NDUFA12: variants seen among roughly 807,000 people sequenced by gnomAD.
NDUFA12 encodes NADH:ubiquinone oxidoreductase subunit A12.
In NDUFA12, 17 loss-of-function variants were observed where a neutral mutation model predicts 20.3. The observed-to-expected ratio is 0.84, with a 90% CI of 0.57 to 1.26. NDUFA12 has a LOEUF of 1.26. Among genes scored for constraint, NDUFA12 ranks in the 50% most tolerant of loss-of-function variants. The pLI is 0.00. For synonymous variants in NDUFA12, 72 were observed against 63.6 expected, an observed-to-expected ratio of 1.13 and a Z score of -0.63; for missense variants, 191 against 183.7, an observed-to-expected ratio of 1.04 and a Z score of -0.23.
chr12:94,978,255 G>A lies in NDUFA12; in HGVS notation c.258-6635C>T, dbSNP rs149643544. ...TCTCATCACTTAGCATGTTGGGAAC[G>A]CTAGTGCACTGCAAGAATGTTATCA... On this transcript the variant is annotated intron_variant, in intron 3 of 3. Transcript: ENST00000327772. Among the ~76,000 whole-genome samples the A allele has an allele frequency of 3.2e-3, 489 of 152,302 alleles. 1 individual carries two copies. Among genetic ancestry groups the A allele is most frequent in the African/African-American group, 0.011 (465 of 41,566 alleles).
chr12:94,997,003 C>G, intron 2 of NDUFA12: 1 of 362,108 alleles, frequency 2.8e-6, no homozygotes, highest in South Asian at 2.2e-5. Flanking sequence ...TTTAGACAAT[C>G]TCTTAAAATC....
intron 3 of NDUFA12, among the ~76,000 whole-genome samples, chr12:94,979,581 A>C (rs909469825): frequency 1.3e-5 from 2 of 152,152 alleles, no homozygotes. Flanking sequence ...CTGTAATCCC[A>C]GCACTTTGGA....
chr12:94,973,287 G>A (rs192475277), intron 3 of NDUFA12, among the ~76,000 whole-genome samples: 1 of 152,298 alleles, frequency 6.6e-6, no homozygotes, highest in African/African-American at 2.4e-5. Flanking sequence ...GAATGCAGAA[G>A]GCTGTACAAG....
intron 3 of NDUFA12, among the ~76,000 whole-genome samples, chr12:94,972,706 A>T (rs1022853187): frequency 4.6e-5 from 7 of 152,176 alleles, no homozygotes; most frequent in Non-Finnish European, 2.9e-5. Flanking sequence ...TTGAGAAAAA[A>T]GTTAAATCGA....
At chr12:94,995,901 ATT>A (rs199922662) in intron 2 of NDUFA12, among the ~76,000 whole-genome samples, 1 of 148,360 alleles carries the variant, frequency 6.7e-6, no homozygotes, top group African/African-American at 2.5e-5. Context: ...AATGCTGTGC[ATT>A]TTTTTTTTTT....
chr12:95,002,602 A>G, intron 2 of NDUFA12, 137 bp downstream of exon 2: 1 of 714,266 alleles, frequency 1.4e-6, no homozygotes. Context: ...TCTGTAAATT[A>G]TCTTTTTTCA....
At chr12:94,983,494 T>C (rs1874308738) in intron 3 of NDUFA12, among the ~76,000 whole-genome samples, 1 of 152,142 alleles carries the variant, frequency 6.6e-6, no homozygotes, top group African/African-American at 2.4e-5. Flanking sequence ...TACAGCCACA[T>C]GAGTAAGTGT....
intron 2 of NDUFA12, among the ~76,000 whole-genome samples, chr12:94,999,313 T>C (rs578024582): frequency 1.4e-4 from 22 of 152,332 alleles, no homozygotes; most frequent in African/African-American, 4.8e-4. Flanking sequence ...CTTCATCTCT[T>C]GCCTTATACA....
At chr12:94,994,316 T>C in intron 2 of NDUFA12, 59 bp from the exon 3 acceptor site, 1 of 1,275,038 alleles carries the variant, frequency 7.8e-7, no homozygotes. Flanking sequence ...CATAGATGCA[T>C]AATATCAAAG....
At chr12:94,994,748 A>C (rs1460482748) in intron 2 of NDUFA12, among the ~76,000 whole-genome samples, 1 of 152,234 alleles carries the variant, frequency 6.6e-6, no homozygotes, top group East Asian at 1.9e-4. Context: ...CAAACATTAG[A>C]AATGATGGTT....
At chr12:94,976,384 G>A (rs7960234) in intron 3 of NDUFA12, among the ~76,000 whole-genome samples, 83,176 of 151,954 alleles carry the variant, frequency 0.55, 23,319 homozygotes, top group African/African-American at 0.67. Context: ...TGTCCCTAGT[G>A]TCTATGGGGG....
chr12:95,002,837 A>T lies in NDUFA12; in HGVS notation c.87-16T>A, dbSNP rs1291742833. ...ATCATTTGTCCTGTGAATACCCAAA[A>T]GAAAACAGACATTTTAGAATGATTC... On this transcript the variant is annotated splice_polypyrimidine_tract_variant and intron_variant, in intron 1 of 3. Coordinates refer to ENST00000327772, the MANE Select transcript of NDUFA12 (RefSeq NM_018838.5). 4 of 1,594,800 alleles carry T rather than the reference A, an allele frequency of 2.5e-6. No homozygotes were observed. Among genetic ancestry groups the T allele is most frequent in the Non-Finnish European group, 3.4e-6 (4 of 1,162,382 alleles).
Position 94,994,255 on chromosome 12 carries a change from G to A in NDUFA12, c.172C>T (p.Arg58Cys), listed in dbSNP as rs775138666. The A allele has an allele frequency of 1.5e-5, 24 of 1,613,642 alleles. No individual in the cohort carries two copies. In the East Asian group the frequency reaches 2.7e-4, roughly 18 times the overall value. Residue 58 changes from arginine to cysteine, a missense_variant and splice_region_variant, in exon 3 of 4, where the codon CGT becomes TGT. By Grantham distance (180) the Arg-to-Cys change is radical (BLOSUM62 -3). Coordinates refer to ENST00000327772, the MANE Select transcript of NDUFA12 (RefSeq NM_018838.5). ...GTAGTATATACAACCCATCGGTGAC[G>A]GCCTGGGTGGGAAGATGAACATTTA... ...YYEDNKQFFG[R>C]HRWVVYTTEM...
intron 3 of NDUFA12, among the ~76,000 whole-genome samples, chr12:94,990,890 G>A (rs1032277587): frequency 1.3e-5 from 2 of 152,150 alleles, no homozygotes; most frequent in African/African-American, 2.4e-5. Flanking sequence ...TTAGCTCACA[G>A]TATTTGAAAA....
At chr12:94,998,091 T>C (rs1190298032) in intron 2 of NDUFA12, among the ~76,000 whole-genome samples, 1 of 147,032 alleles carries the variant, frequency 6.8e-6, no homozygotes, top group African/African-American at 2.5e-5. Context: ...AACAAAATAT[T>C]AGCTAACCAA....
At chr12:94,981,305 G>A (rs1382563193) in intron 3 of NDUFA12, among the ~76,000 whole-genome samples, 1 of 136,106 alleles carries the variant, frequency 7.3e-6, no homozygotes, top group Non-Finnish European at 1.6e-5. Context: ...AACAGTAGCC[G>A]GGCATGGTGG....
chr12:94,989,224 C>A (rs1279962621), intron 3 of NDUFA12, among the ~76,000 whole-genome samples: 1 of 152,176 alleles, frequency 6.6e-6, no homozygotes, highest in East Asian at 1.9e-4. Context: ...ATCTTCCTTG[C>A]ATTTTTCATT....
At chr12:94,999,350 GTTAAATC>G (rs558629155) in intron 2 of NDUFA12, among the ~76,000 whole-genome samples, 304 of 152,230 alleles carry the variant, frequency 2.0e-3, no homozygotes, top group African/African-American at 6.9e-3. Flanking sequence ...GGATCAAAGA[GTTAAATC>G]TAAGACCTGA....
intron 3 of NDUFA12, among the ~76,000 whole-genome samples, chr12:94,984,736 A>AAACAAAC (rs36013656): frequency 1.3e-5 from 1 of 74,134 alleles, no homozygotes; most frequent in African/African-American, 5.5e-5. Flanking sequence ...ACAACAAAAA[A>AAACAAAC]CCCATATATA....
Sources: allele counts gnomAD v4.1 joint callset (sites outside exome capture counted in the v4.1 genomes callset), GRCh38; gene constraint gnomAD v4.1.1; transcripts MANE v1.5; gene names NCBI Gene and HGNC (gene_info 2026-07-23, HGNC 2026-07-21).